CATSPERQ: variants seen among roughly 807,000 people sequenced by gnomAD.
The protein encoded by CATSPERQ is cation channel sperm-associated auxiliary subunit theta.
chr8:144,354,399 T>C, the CATSPERQ span: 1 of 1,485,666 alleles, frequency 6.7e-7, no homozygotes, highest in South Asian at 1.2e-5. This position sits in a 1 kb window ranked among gnomAD's most constrained non-coding sequence, Gnocchi z 4.6. Context: ...GTGCCAAGGC[T>C]TGGCCCGGAC....
At chr8:144,354,558 T>TACCCC in the CATSPERQ span, 8 of 504,392 alleles carry the variant, frequency 1.6e-5, no homozygotes, top group Non-Finnish European at 2.6e-5. This position sits in a 1 kb window ranked among gnomAD's most constrained non-coding sequence, Gnocchi z 4.6. Flanking sequence ...GTCTCCCTCC[T>TACCCC]CCCCCGCCCC....
the CATSPERQ span, chr8:144,353,635 C>T: frequency 6.9e-7 from 1 of 1,459,072 alleles, no homozygotes; most frequent in South Asian, 1.3e-5. Context: ...TGCCCGAAGC[C>T]CCGGCGCCCT....
the CATSPERQ span, chr8:144,353,894 C>A: frequency 9.8e-6 from 15 of 1,529,774 alleles, no homozygotes; most frequent in Non-Finnish European, 1.3e-5. Flanking sequence ...GCCAGCCTGG[C>A]CGCCCCTCCG....
the CATSPERQ span, chr8:144,354,617 C>G: frequency 1.3e-6 from 2 of 1,528,406 alleles, no homozygotes; most frequent in Non-Finnish European, 1.7e-6. The surrounding 1 kb of genome is among the most constrained non-coding windows in gnomAD (Gnocchi z 4.6). Flanking sequence ...TCGCGCGCAC[C>G]GTTTGGCTCC....
At chr8:144,354,334 G>A in the CATSPERQ span, 2 of 1,532,808 alleles carry the variant, frequency 1.3e-6, no homozygotes, top group Non-Finnish European at 1.7e-6. The surrounding 1 kb of genome is among the most constrained non-coding windows in gnomAD (Gnocchi z 4.6). Context: ...CACGAAGACT[G>A]GGGGTGGCGC....
At chr8:144,354,385 G>T in the CATSPERQ span, 1 of 1,505,124 alleles carries the variant, frequency 6.6e-7, no homozygotes, top group South Asian at 1.2e-5. This position sits in a 1 kb window ranked among gnomAD's most constrained non-coding sequence, Gnocchi z 4.6. Context: ...AGCCGGGGGT[G>T]GCGGTGCCAA....
chr8:144,354,313 T>C, the CATSPERQ span: 1 of 1,533,610 alleles, frequency 6.5e-7, no homozygotes, highest in Non-Finnish European at 8.7e-7. This position sits in a 1 kb window ranked among gnomAD's most constrained non-coding sequence, Gnocchi z 4.6. Context: ...TGTGTCCAGG[T>C]AGTATTCGAG....
At chr8:144,354,632 G>A in the CATSPERQ span, 2 of 1,530,600 alleles carry the variant, frequency 1.3e-6, no homozygotes, top group East Asian at 4.9e-5. This position sits in a 1 kb window ranked among gnomAD's most constrained non-coding sequence, Gnocchi z 4.6. Flanking sequence ...GGCTCCTGCT[G>A]CACGAATGGG....
At chr8:144,354,559 CCCCCGCCCCGCCCTTCCCAGCCCCG>C in the CATSPERQ span, 164 of 598,272 alleles carry the variant, frequency 2.7e-4, no homozygotes, top group Non-Finnish European at 3.8e-4. The surrounding 1 kb of genome is among the most constrained non-coding windows in gnomAD (Gnocchi z 4.6). Flanking sequence ...TCTCCCTCCT[CCCCCGCCCCGCCCTTCCCAGCCCCG>C]CCCCGCCCCG....
At chr8:144,354,275 T>G in the CATSPERQ span, 4 of 1,534,372 alleles carry the variant, frequency 2.6e-6, no homozygotes, top group Non-Finnish European at 3.5e-6. This position sits in a 1 kb window ranked among gnomAD's most constrained non-coding sequence, Gnocchi z 4.6. Context: ...ACCACGCTGA[T>G]GATGAAGAGC....
At chr8:144,354,072 C>G in the CATSPERQ span, 7 of 1,535,332 alleles carry the variant, frequency 4.6e-6, no homozygotes, top group East Asian at 1.7e-4. The surrounding 1 kb of genome is among the most constrained non-coding windows in gnomAD (Gnocchi z 4.6). Context: ...GGCGGCGCCG[C>G]GGCAGCGACG....
At chr8:144,354,064 C>T in the CATSPERQ span, 2 of 1,535,380 alleles carry the variant, frequency 1.3e-6, no homozygotes, top group Admixed American at 2.0e-5. The surrounding 1 kb of genome is among the most constrained non-coding windows in gnomAD (Gnocchi z 4.6). Flanking sequence ...CAGCACCAGG[C>T]GGCGCCGCGG....
the CATSPERQ span, chr8:144,353,918 C>T: frequency 1.6e-5 from 25 of 1,527,934 alleles, no homozygotes; most frequent in South Asian, 2.7e-4. Flanking sequence ...TCCCAAGCTG[C>T]CTCCCCGTCC....
chr8:144,354,285 C>G, the CATSPERQ span: 4 of 1,534,754 alleles, frequency 2.6e-6, no homozygotes, highest in Admixed American at 2.0e-5. The surrounding 1 kb of genome is among the most constrained non-coding windows in gnomAD (Gnocchi z 4.6). Flanking sequence ...TGATGAAGAG[C>G]AGCATCCCCT....
chr8:144,353,303 G>A, the CATSPERQ span: 111 of 1,486,424 alleles, frequency 7.5e-5, 1 homozygote, highest in Admixed American at 1.4e-3. Context: ...GTGGGGCTGG[G>A]AGGTTACCGA....
At chr8:144,353,489 G>T in the CATSPERQ span, 1 of 1,535,834 alleles carries the variant, frequency 6.5e-7, no homozygotes, top group Non-Finnish European at 8.7e-7. Flanking sequence ...AGTTGATGTT[G>T]AGTTTCCGGG....
chr8:144,353,798 G>A, the CATSPERQ span: 7 of 1,535,544 alleles, frequency 4.6e-6, no homozygotes, highest in Non-Finnish European at 6.1e-6. Flanking sequence ...TCCGACAGCT[G>A]CACCAGCACC....
the CATSPERQ span, chr8:144,354,559 C>G: frequency 9.9e-5 from 59 of 598,308 alleles, no homozygotes; most frequent in Non-Finnish European, 1.5e-4. This position sits in a 1 kb window ranked among gnomAD's most constrained non-coding sequence, Gnocchi z 4.6. Context: ...TCTCCCTCCT[C>G]CCCCGCCCCG....
At chr8:144,354,355 G>T in the CATSPERQ span, 1 of 1,530,214 alleles carries the variant, frequency 6.5e-7, no homozygotes, top group Non-Finnish European at 8.7e-7. The surrounding 1 kb of genome is among the most constrained non-coding windows in gnomAD (Gnocchi z 4.6). Flanking sequence ...GGCGCGTGAG[G>T]ACGCCCCGGC....
Sources: allele counts gnomAD v4.1 joint callset, GRCh38; gene constraint gnomAD v4.1.1; non-coding constraint Gnocchi (gnomAD v3.1); transcripts MANE v1.5; gene names NCBI Gene and HGNC (gene_info 2026-07-23, HGNC 2026-07-21).